The following LRP1B variants were observed in gnomAD, a reference collection of about 807,000 sequenced individuals.
LRP1B encodes LDL receptor related protein 1B.
In LRP1B, 217 loss-of-function variants were observed where a neutral mutation model predicts 556.6. The ratio of observed to expected loss-of-function variants is 0.39; its 90% CI spans 0.35 to 0.44. The LOEUF (loss-of-function observed/expected upper bound fraction) is 0.44. Ranked by LOEUF, LRP1B falls within the 20% of genes least tolerant of loss-of-function variation. The pLI, the probability that LRP1B is intolerant of heterozygous loss-of-function variation, is 1.00. For synonymous variants in LRP1B, 2,047 were observed against 1,865.8 expected (o/e 1.10, Z -2.50); for missense variants, 5,053 against 5,620.8 (o/e 0.90, Z 3.23).
At chr2:140,738,757 C>A (rs1688034985) in intron 35 of LRP1B, among the ~76,000 whole-genome samples, 1 of 152,162 alleles carries the variant, frequency 6.6e-6, no homozygotes, top group Admixed American at 6.5e-5. Context: ...TACTCACAGA[C>A]ACTCTCCCCA....
At chr2:141,482,174 G>A (rs116607178) in intron 2 of LRP1B, among the ~76,000 whole-genome samples, 245 of 152,104 alleles carry the variant, frequency 1.6e-3, no homozygotes, top group Non-Finnish European at 3.0e-3. Flanking sequence ...GCAAAAAAAC[G>A]AACTAGAGTT....
Position 140,505,344 on chromosome 2 carries a change from G to C in LRP1B, c.8521+1452C>G, listed in dbSNP as rs1689363845. 2.0e-5 allele frequency among the ~76,000 whole-genome samples: 3 copies of C among 151,692 alleles called. No homozygotes were observed. In the South Asian group the frequency reaches 6.2e-4, roughly 32 times the overall value. ...CAGGCTCTCCAGCTCTGGAGTTCATGCTATTAACCACCACACACCACGCTC... is the reference window on the plus strand; with the variant it reads ...CAGGCTCTCCAGCTCTGGAGTTCATCCTATTAACCACCACACACCACGCTC... On this transcript the variant is annotated intron_variant, in intron 53 of 90. Coordinates refer to ENST00000389484, the MANE Select transcript of LRP1B (RefSeq NM_018557.3).
chr2:140,961,243 A>G (rs1005994248), intron 18 of LRP1B, among the ~76,000 whole-genome samples: 2 of 152,072 alleles, frequency 1.3e-5, no homozygotes, highest in Non-Finnish European at 2.9e-5. Context: ...AATATCACCT[A>G]TCAATCCATC....
At chr2:141,085,832 G>A (rs760816844) in intron 7 of LRP1B, among the ~76,000 whole-genome samples, 10 of 152,102 alleles carry the variant, frequency 6.6e-5, no homozygotes, top group Admixed American at 2.0e-4. Flanking sequence ...ATCACTCATC[G>A]CAGTTGTTTT....
At chr2:140,728,672 T>C (rs768168818) in intron 35 of LRP1B, among the ~76,000 whole-genome samples, 7 of 152,118 alleles carry the variant, frequency 4.6e-5, no homozygotes, top group Non-Finnish European at 8.8e-5. Context: ...CCAACAAATA[T>C]GTTTGAATTT....
chr2:140,860,028 A>G (rs532860358), intron 27 of LRP1B, among the ~76,000 whole-genome samples: 1 of 152,094 alleles, frequency 6.6e-6, no homozygotes, highest in Non-Finnish European at 1.5e-5. Flanking sequence ...TTAAAAAAAA[A>G]TTGCCTTCAT....
chr2:141,035,477 C>T lies in LRP1B; in HGVS notation c.1789+13509G>A, dbSNP rs532803204. On this transcript the variant is annotated intron_variant, in intron 11 of 90. Transcript: ENST00000389484. Reference sequence around the variant, plus strand: ...TTCATTTATTATTTGGCAGATGCATCCAATAAGAATATAAACTCTTTGAGA... The same window carrying T: ...TTCATTTATTATTTGGCAGATGCATTCAATAAGAATATAAACTCTTTGAGA... Among the ~76,000 whole-genome samples, 27 of 151,974 alleles carry T rather than the reference C, an allele frequency of 1.8e-4. No homozygotes were observed. In the South Asian group the frequency reaches 2.7e-3, roughly 15 times the overall value.
chr2:141,474,034 TC>T (rs1559091456), intron 3 of LRP1B, among the ~76,000 whole-genome samples: 2 of 122,142 alleles, frequency 1.6e-5, no homozygotes, highest in African/African-American at 3.8e-5. Context: ...CTTCCTTCCT[TC>T]CTTCCTTCCT....
At chr2:141,014,700 T>C (rs553593364) in intron 13 of LRP1B, among the ~76,000 whole-genome samples, 3 of 152,192 alleles carry the variant, frequency 2.0e-5, no homozygotes, top group East Asian at 3.9e-4. Flanking sequence ...TTCTCACCTT[T>C]ATGTAGGCCA....
rs190589071 is a variant in LRP1B at position 141,808,707 on chromosome 2, G to A, written c.205+1572C>T. On this transcript the variant is annotated intron_variant, in intron 2 of 90. Coordinates refer to ENST00000389484, the MANE Select transcript of LRP1B (RefSeq NM_018557.3). ...AGAATATTTTTATAAACCCCCAAAA[G>A]ACCGTATATTCAATAACAGTCATTC... Among the ~76,000 whole-genome samples the A allele has an allele frequency of 2.4e-3, 363 of 152,046 alleles. 2 individuals are homozygous for A. The highest frequency in any genetic ancestry group is 0.014 in the Middle Eastern group (4 of 294).
intron 71 of LRP1B, among the ~76,000 whole-genome samples, chr2:140,365,250 A>AT (rs1558831819): frequency 1.3e-5 from 2 of 151,546 alleles, no homozygotes; most frequent in East Asian, 3.9e-4. Flanking sequence ...GCCAGTAAAA[A>AT]TTTTTTTGCA....
intron 41 of LRP1B, among the ~76,000 whole-genome samples, chr2:140,651,446 T>G (rs944063538): frequency 6.9e-6 from 1 of 145,070 alleles, no homozygotes; most frequent in Admixed American, 7.0e-5. Context: ...GGCACATGTA[T>G]ACATATGTAA....
chr2:141,663,766 G>A (rs183101440), intron 2 of LRP1B, among the ~76,000 whole-genome samples: 2 of 152,112 alleles, frequency 1.3e-5, no homozygotes, highest in East Asian at 1.9e-4. Context: ...GGTACATAGA[G>A]GAGTTGGTAC....
intron 66 of LRP1B, among the ~76,000 whole-genome samples, chr2:140,389,400 C>T (rs1683910456): frequency 6.6e-6 from 1 of 150,988 alleles, no homozygotes; most frequent in Admixed American, 6.6e-5. Context: ...CTCTTTAGAC[C>T]CAAAGGAATC....
In LRP1B at chr2:140,545,464, A is replaced by G. The variant is rs149134372; in HGVS notation, c.7195-3493T>C. On this transcript the variant is annotated intron_variant, in intron 43 of 90. Transcript: ENST00000389484. ...ATGCATTTTGAGTCAGTTTTTGTATATGGTTTAAGAAAGGGGTTCAGTTTC... is the reference window on the plus strand; with the variant it reads ...ATGCATTTTGAGTCAGTTTTTGTATGTGGTTTAAGAAAGGGGTTCAGTTTC... Among the ~76,000 whole-genome samples the G allele has an allele frequency of 2.2e-3, 334 of 152,072 alleles. 3 individuals are homozygous for G. Among genetic ancestry groups the G allele is most frequent in the Admixed American group, 4.3e-3 (66 of 15,242 alleles).
intron 1 of LRP1B, among the ~76,000 whole-genome samples, chr2:141,941,142 C>G (rs1287597953): frequency 6.6e-6 from 1 of 152,092 alleles, no homozygotes; most frequent in African/African-American, 2.4e-5. Context: ...TCTAGTTAAG[C>G]AACATAAAAG....
intron 2 of LRP1B, among the ~76,000 whole-genome samples, chr2:141,630,880 C>G (rs1216341844): frequency 6.6e-6 from 1 of 152,110 alleles, no homozygotes; most frequent in Admixed American, 6.6e-5. Context: ...CTAATTATGT[C>G]TTACTTTCCT....
intron 11 of LRP1B, among the ~76,000 whole-genome samples, chr2:141,030,357 CTT>C (rs1302571992): frequency 2.6e-5 from 4 of 151,852 alleles, no homozygotes; most frequent in Non-Finnish European, 5.9e-5. Flanking sequence ...ATCTCTATAT[CTT>C]TTTTATCTTG....
rs555306059 is a variant in LRP1B at position 141,858,376 on chromosome 2, C to A, written c.83-47975G>T. Among the ~76,000 whole-genome samples, 5 of 152,226 alleles carry A rather than the reference C, an allele frequency of 3.3e-5. No homozygotes were observed. The East Asian group carries it at 9.7e-4, about 29-fold the overall frequency. On this transcript the variant is annotated intron_variant, in intron 1 of 90. Transcript: ENST00000389484. The stretch of plus-strand genomic sequence containing the variant: ...ATTGTAAATACCTTAAGGTTACAAA[C>A]CATCTTTCATTCGCATCTTCAATAA...
Sources: gnomAD v4.1 joint callset for allele counts (sites outside exome capture counted in the v4.1 genomes callset) on GRCh38, gnomAD v4.1.1 for gene constraint, MANE v1.5 for transcripts, NCBI Gene and HGNC (gene_info 2026-07-23, HGNC 2026-07-21) for gene names.